The following ADAM12 variants were observed in gnomAD, a reference collection of about 807,000 sequenced individuals.
ADAM12 encodes the protein ADAM metallopeptidase domain 12, also known as disintegrin and metalloproteinase domain-containing protein 12.
In ADAM12, 70 loss-of-function variants were observed where a neutral mutation model predicts 106.4. The ratio of observed to expected loss-of-function variants is 0.66; its 90% CI spans 0.54 to 0.80. The LOEUF (loss-of-function observed/expected upper bound fraction) is 0.80. Ranked by LOEUF, ADAM12 falls within the 30% of genes least tolerant of loss-of-function variation. The pLI is 0.00. For synonymous variants in ADAM12, 420 were observed against 433.5 expected (o/e 0.97, Z 0.39); for missense variants, 1,010 against 1,171.9 (o/e 0.86, Z 2.02).
chr10:126,388,372 C>G lies in ADAM12; in HGVS notation c.-227G>C. ...TGTGCGTGCGTGCGCGCGCGCGCGCCGTTCTGGCACAAGCCAGCCTTGACC... is the reference window on the plus strand; with the variant it reads ...TGTGCGTGCGTGCGCGCGCGCGCGCGGTTCTGGCACAAGCCAGCCTTGACC... On this transcript the variant is annotated 5_prime_UTR_variant, in exon 1 of 23. Coordinates refer to ENST00000448723, the MANE Select transcript of ADAM12 (RefSeq NM_001288973.2). This position sits in a 1 kb window ranked among gnomAD's most constrained non-coding sequence, Gnocchi z 4.4. 1 of 483,252 alleles carries G rather than the reference C, an allele frequency of 2.1e-6. No homozygotes were observed. Among genetic ancestry groups the G allele is most frequent in the Non-Finnish European group, 3.1e-6 (1 of 325,516 alleles). 29.9% of individuals were successfully genotyped at this position (483,252 alleles called of 1,614,324 possible).
At chr10:126,046,245 C>A in intron 16 of ADAM12, 113 bp from the exon 17 acceptor site, 1 of 930,728 alleles carries the variant, frequency 1.1e-6, no homozygotes, top group Non-Finnish European at 1.7e-6. Context: ...GGAGAAGACC[C>A]AACCTTGTCT....
At chr10:126,173,191 C>T (rs1374928234) in intron 3 of ADAM12, among the ~76,000 whole-genome samples, 2 of 152,118 alleles carry the variant, frequency 1.3e-5, no homozygotes, top group Non-Finnish European at 2.9e-5. Flanking sequence ...ACCACCATGG[C>T]ACGTGTATAC....
At chr10:126,100,175 C>A (rs1264548984) in intron 9 of ADAM12, among the ~76,000 whole-genome samples, 3 of 151,964 alleles carry the variant, frequency 2.0e-5, no homozygotes, top group East Asian at 3.9e-4. Context: ...TCAAAGCCCC[C>A]CAAACACTCT....
intron 21 of ADAM12, among the ~76,000 whole-genome samples, chr10:126,031,085 G>A (rs1953963906): frequency 6.6e-6 from 1 of 152,198 alleles, no homozygotes; most frequent in South Asian, 2.1e-4. Context: ...CTGGAGGGAG[G>A]ACTGTGGAGA....
At chr10:126,186,398 G>C (rs541863346) in intron 3 of ADAM12, among the ~76,000 whole-genome samples, 9 of 152,278 alleles carry the variant, frequency 5.9e-5, no homozygotes, top group African/African-American at 1.9e-4. Context: ...GCCTGGCTGG[G>C]CAGTAATCTG....
intron 3 of ADAM12, among the ~76,000 whole-genome samples, chr10:126,240,478 G>A (rs952076603): frequency 6.6e-6 from 1 of 152,228 alleles, no homozygotes; most frequent in Non-Finnish European, 1.5e-5. Context: ...CACGACAAGT[G>A]CAGAATCATA....
chr10:126,019,725 C>T lies in ADAM12; in HGVS notation c.2630G>A (p.Trp877Ter). The T allele has an allele frequency of 6.2e-7, 1 of 1,614,076 alleles. No individual in the cohort carries two copies. The highest frequency in any genetic ancestry group is 8.5e-7 in the Non-Finnish European group (1 of 1,179,948). ...THALARTPGQ[W>*]ETGLRLAPLR... Reference sequence around the variant, plus strand: ...GGGTGCCAGGCGGAGCCCAGTCTCCCATTGTCCTGGGGTCCTGGCCAAGGC... The same window carrying T: ...GGGTGCCAGGCGGAGCCCAGTCTCCTATTGTCCTGGGGTCCTGGCCAAGGC... Residue 877 changes from tryptophan to a stop codon, truncating the protein, a stop_gained, in exon 22 of 23, where the codon TGG becomes TAG. Transcript: ENST00000448723. LOFTEE classifies it low-confidence loss of function (END_TRUNC).
At chr10:126,124,843 G>T (rs1270533206) in intron 5 of ADAM12, among the ~76,000 whole-genome samples, 1 of 138,854 alleles carries the variant, frequency 7.2e-6, no homozygotes, top group Non-Finnish European at 1.5e-5. Context: ...AGTGAGCCAA[G>T]ATCGCACCAC....
At chr10:126,322,877 C>T (rs565345219) in intron 2 of ADAM12, among the ~76,000 whole-genome samples, 2 of 152,284 alleles carry the variant, frequency 1.3e-5, no homozygotes, top group Admixed American at 6.5e-5. Context: ...CAGCTTTTAC[C>T]TCTCCAAATC....
At chr10:126,126,690 G>T (rs1956211914) in intron 5 of ADAM12, among the ~76,000 whole-genome samples, 1 of 151,992 alleles carries the variant, frequency 6.6e-6, no homozygotes, top group East Asian at 1.9e-4. Flanking sequence ...GAGGGGTGGA[G>T]ACAGAAGCAC....
intron 3 of ADAM12, among the ~76,000 whole-genome samples, chr10:126,187,886 C>T (rs781299743): frequency 1.3e-4 from 20 of 152,204 alleles, no homozygotes; most frequent in Admixed American, 1.1e-3. Context: ...TACCAGATGA[C>T]GCTGTCCCCT....
At chr10:126,237,824 A>G (rs1169682058) in intron 3 of ADAM12, among the ~76,000 whole-genome samples, 1 of 152,182 alleles carries the variant, frequency 6.6e-6, no homozygotes, top group Non-Finnish European at 1.5e-5. Context: ...TCCTCTCTCC[A>G]GCCCTAGAGT....
chr10:126,291,762 G>C (rs891462060), intron 2 of ADAM12, among the ~76,000 whole-genome samples: 1 of 152,146 alleles, frequency 6.6e-6, no homozygotes, highest in Non-Finnish European at 1.5e-5. Flanking sequence ...CTGGGATTGA[G>C]GACTCAAGGC....
intron 1 of ADAM12, among the ~76,000 whole-genome samples, chr10:126,338,458 T>C (rs1183809981): frequency 6.6e-6 from 1 of 151,754 alleles, no homozygotes; most frequent in Non-Finnish European, 1.5e-5. Flanking sequence ...TTCACCGTTT[T>C]AGCCGGGATG....
In ADAM12 at chr10:126,101,135, A is replaced by G; in HGVS notation, c.848T>C (p.Phe283Ser). 1.2e-6 allele frequency: 2 copies of G among 1,613,996 alleles called. No individual in the cohort carries two copies. The highest frequency in any genetic ancestry group is 1.7e-6 in the Non-Finnish European group (2 of 1,179,924). ...SQDPFTSLHE[F>S]LDWRKMKLLP... Reference sequence around the variant, plus strand: ...AAGCTTCATCTTCCTCCAGTCCAGAAATTCATGGAGGCTGGTGAATGGGTC... The same window carrying G: ...AAGCTTCATCTTCCTCCAGTCCAGAGATTCATGGAGGCTGGTGAATGGGTC... Residue 283 changes from phenylalanine to serine, a missense_variant, in exon 9 of 23, where the codon TTT (phenylalanine) becomes TCT (serine). By Grantham distance (155) the Phe-to-Ser change is radical. Around this residue, in one of 3 missense-constraint regions of ADAM12, gnomAD observed 391 missense variants for 442.9 expected, o/e 0.88. Transcript: ENST00000448723.
intron 4 of ADAM12, among the ~76,000 whole-genome samples, chr10:126,154,077 T>G (rs1238604002): frequency 2.0e-5 from 3 of 152,156 alleles, no homozygotes; most frequent in African/African-American, 4.8e-5. Flanking sequence ...GGATCTGGCT[T>G]TTGTGGGATT....
At chr10:126,087,450 A>G (rs908825250) in intron 11 of ADAM12, among the ~76,000 whole-genome samples, 1 of 152,130 alleles carries the variant, frequency 6.6e-6, no homozygotes, top group Non-Finnish European at 1.5e-5. Context: ...TTTTCATCTT[A>G]CCAGAGTTCC....
intron 2 of ADAM12, among the ~76,000 whole-genome samples, chr10:126,302,724 A>G (rs1960677699): frequency 6.6e-6 from 1 of 152,242 alleles, no homozygotes; most frequent in Admixed American, 6.5e-5. Context: ...ATGCTAAATT[A>G]TAAATCACTC....
At chr10:126,278,136 G>A (rs961169974) in intron 3 of ADAM12, among the ~76,000 whole-genome samples, 1 of 152,140 alleles carries the variant, frequency 6.6e-6, no homozygotes, top group Non-Finnish European at 1.5e-5. Flanking sequence ...CTGCTATTTT[G>A]ACCAAGCAGG....
Sources: allele counts gnomAD v4.1 joint callset (sites outside exome capture counted in the v4.1 genomes callset), GRCh38; gene constraint gnomAD v4.1.1; regional missense constraint gnomAD v4.1.1; non-coding constraint Gnocchi (gnomAD v3.1); transcripts MANE v1.5; gene names NCBI Gene and HGNC (gene_info 2026-07-23, HGNC 2026-07-21).